The following WWP2 variants were observed in gnomAD, a reference collection of about 807,000 sequenced individuals.
WWP2 encodes NEDD4-like E3 ubiquitin-protein ligase WWP2.
Under a neutral mutation model 121.0 loss-of-function variants are expected in WWP2, and 57 were observed. The observed-to-expected ratio is 0.47, with a 90% confidence interval of 0.38 to 0.59. The LOEUF (loss-of-function observed/expected upper bound fraction) is 0.59. WWP2 is among the 20% of genes least tolerant of loss of function. The pLI is 0.00. For missense variants in WWP2, 962 were observed against 1,158.9 expected (o/e 0.83, Z 2.47); for synonymous variants, 449 against 441.3 (o/e 1.02, Z -0.22).
At position 69,782,871 on chromosome 16, in the gene WWP2, A is replaced by G. The variant is rs146965724; in HGVS notation, c.-15-4125A>G. 9.2e-5 allele frequency among the ~76,000 whole-genome samples: 14 copies of G among 152,204 alleles called. No individual in the cohort carries two copies. The East Asian group carries it at 1.2e-3, about 13-fold the overall frequency. ...TATAAAATAGAGCCAAGGTCTCACT[A>G]TGTTGCCCAGGCTGGTCTTGAATTC... On this transcript the variant is annotated intron_variant, in intron 1 of 23. Transcript: ENST00000359154.
chr16:69,822,319 G>A (rs988122698), intron 4 of WWP2, among the ~76,000 whole-genome samples: 8 of 152,178 alleles, frequency 5.3e-5, no homozygotes, highest in Admixed American at 2.0e-4. Flanking sequence ...ATCAGCTTTC[G>A]TGCAGTAAGC....
rs1290872650 is a variant in WWP2 at position 69,908,829 on chromosome 16, G to C, written c.983G>C (p.Trp328Ser). The C allele has an allele frequency of 1.2e-6, 2 of 1,614,068 alleles. No homozygotes were observed. The highest frequency in any genetic ancestry group is 2.7e-5 in the African/African-American group (2 of 74,928). ...GACCACAATACCAAGACCACCACCT[G>C]GGAGCGGCCCCTTCCTCCAGGGTAG... ...YVDHNTKTTT[W>S]ERPLPPGWEK... The change falls in exon 9 of 24, where the codon TGG (tryptophan) becomes TCG (serine). Residue 328 changes from tryptophan to serine, a missense_variant. Physicochemically the swap from Trp to Ser is radical, Grantham distance 177. Coordinates refer to ENST00000359154, the MANE Select transcript of WWP2 (RefSeq NM_001270454.2).
rs556921732 is a variant in WWP2 at position 69,918,104 on chromosome 16, A to T, written c.1179+221A>T. ...TCTAGCCTCTGTGTTTAAGGAATCA[A>T]CGTGTCTAAAACTGAATTCCCCGTC... is the stretch of plus-strand genomic sequence containing the variant. On this transcript the variant is annotated intron_variant, in intron 10 of 23. Transcript: ENST00000359154. 2.5e-4 allele frequency among the ~76,000 whole-genome samples: 38 copies of T among 152,302 alleles called. No homozygotes were observed. The East Asian group carries it at 4.4e-3, about 18-fold the overall frequency.
intron 8 of WWP2, among the ~76,000 whole-genome samples, chr16:69,899,916 A>C (rs1597131318): frequency 1.3e-5 from 2 of 152,198 alleles, no homozygotes; most frequent in South Asian, 2.1e-4. Context: ...TATTACTTTA[A>C]ACTTGCCTTT....
At chr16:69,766,712 T>C (rs2038738439) in intron 1 of WWP2, among the ~76,000 whole-genome samples, 1 of 152,158 alleles carries the variant, frequency 6.6e-6, no homozygotes, top group South Asian at 2.1e-4. Flanking sequence ...CCTCAGATCT[T>C]TACTCAACCA....
chr16:69,777,275 A>T (rs1418515815), intron 1 of WWP2, among the ~76,000 whole-genome samples: 8 of 151,904 alleles, frequency 5.3e-5, no homozygotes, highest in African/African-American at 1.9e-4. Context: ...GTGAAATAAT[A>T]CTTTCCTTTG....
chr16:69,879,803 G>A (rs1156758137), intron 7 of WWP2, among the ~76,000 whole-genome samples: 1 of 152,156 alleles, frequency 6.6e-6, no homozygotes, highest in African/African-American at 2.4e-5. Context: ...GACGTGTGTA[G>A]CTGCAAATTT....
At chr16:69,849,539 G>T (rs576983604) in intron 6 of WWP2, among the ~76,000 whole-genome samples, 9 of 150,894 alleles carry the variant, frequency 6.0e-5, no homozygotes, top group Non-Finnish European at 1.5e-5. Flanking sequence ...CATAGTCCCT[G>T]CTCAAAGTCC....
Position 69,937,345 on chromosome 16 carries a change from T to G in WWP2, c.2238+107T>G, listed in dbSNP as rs1408673812. On this transcript the variant is annotated intron_variant, in intron 20 of 23. Transcript: ENST00000359154. This position sits in a 1 kb window ranked among gnomAD's most constrained non-coding sequence, Gnocchi z 6.6. ...AGACACTCAGCGTAAAACTCCCACT[T>G]CGGCAGGGCAGATGGGTTTGATTTG... The G allele has an allele frequency of 6.5e-7, 1 of 1,533,410 alleles. No homozygotes were observed. Among genetic ancestry groups the G allele is most frequent in the African/African-American group, 1.4e-5 (1 of 72,976 alleles). 95.0% of individuals were successfully genotyped at this position (1,533,410 alleles called of 1,614,324 possible).
chr16:69,826,385 G>C (rs920298831), intron 4 of WWP2, among the ~76,000 whole-genome samples: 2 of 151,022 alleles, frequency 1.3e-5, no homozygotes, highest in Non-Finnish European at 2.9e-5. Context: ...GGCCAACATA[G>C]TGAAACTCTG....
At chr16:69,880,489 A>T (rs561410828) in intron 7 of WWP2, among the ~76,000 whole-genome samples, 2 of 152,178 alleles carry the variant, frequency 1.3e-5, no homozygotes, top group Non-Finnish European at 2.9e-5. Context: ...TTTGAAGCAC[A>T]GTAGGATGTA....
intron 4 of WWP2, among the ~76,000 whole-genome samples, chr16:69,810,027 A>C (rs953905329): frequency 5.9e-5 from 9 of 152,120 alleles, no homozygotes; most frequent in African/African-American, 1.7e-4. Context: ...GCGGTTAGGT[A>C]ACTCCTCTCA....
At chr16:69,858,231 T>A (rs987705049) in intron 6 of WWP2, among the ~76,000 whole-genome samples, 3 of 152,172 alleles carry the variant, frequency 2.0e-5, no homozygotes, top group African/African-American at 7.2e-5. Context: ...TTTGTGGTTT[T>A]TTTGGGGAGG....
At chr16:69,782,977 T>A (rs1597657573) in intron 1 of WWP2, 1 of 151,680 alleles carries the variant, frequency 6.6e-6, no homozygotes, top group East Asian at 1.9e-4. Flanking sequence ...CTCCTGTAAC[T>A]ATATTTAATT....
At chr16:69,825,992 C>T (rs553234718) in intron 4 of WWP2, among the ~76,000 whole-genome samples, 7 of 152,216 alleles carry the variant, frequency 4.6e-5, no homozygotes, top group East Asian at 3.9e-4. Flanking sequence ...AGCAGCCAGG[C>T]GCGGTGGCTC....
chr16:69,801,390 A>G (rs2056163387), intron 4 of WWP2, among the ~76,000 whole-genome samples: 1 of 151,722 alleles, frequency 6.6e-6, no homozygotes, highest in African/African-American at 2.4e-5. Flanking sequence ...ACACGCCACC[A>G]TGGCCTGGCT....
intron 6 of WWP2, among the ~76,000 whole-genome samples, chr16:69,870,984 T>C (rs930733643): frequency 5.3e-5 from 8 of 152,204 alleles, no homozygotes; most frequent in African/African-American, 1.9e-4. Flanking sequence ...GAGTCATCTT[T>C]TCTAGATAAA....
At chr16:69,792,371 A>G (rs1257109536) in intron 2 of WWP2, among the ~76,000 whole-genome samples, 1 of 152,208 alleles carries the variant, frequency 6.6e-6, no homozygotes, top group African/African-American at 2.4e-5. Flanking sequence ...GAGCTTTTTC[A>G]GTGTATAATT....
intron 6 of WWP2, among the ~76,000 whole-genome samples, chr16:69,860,646 A>G (rs1223356930): frequency 6.6e-6 from 1 of 152,094 alleles, no homozygotes; most frequent in African/African-American, 2.4e-5. Context: ...TCCATTGAAC[A>G]TATTCTTTTT....
Sources: allele counts gnomAD v4.1 joint callset (sites outside exome capture counted in the v4.1 genomes callset), GRCh38; gene constraint gnomAD v4.1.1; non-coding constraint Gnocchi (gnomAD v3.1); transcripts MANE v1.5; gene names NCBI Gene and HGNC (gene_info 2026-07-23, HGNC 2026-07-21).